The following MYLK3 variants were observed in gnomAD, a reference collection of about 807,000 sequenced individuals.
The protein encoded by MYLK3 is myosin light chain kinase 3.
A neutral mutation model predicts 76.3 loss-of-function variants in MYLK3; 55 were observed. The observed-to-expected ratio is 0.72, with a 90% confidence interval of 0.58 to 0.90. The LOEUF (loss-of-function observed/expected upper bound fraction) is 0.90, where lower values mean the gene tolerates loss of function less well. Among genes scored for constraint, MYLK3 ranks in the 40% least tolerant of loss-of-function variants. MYLK3 has a pLI of 0.00. For synonymous variants in MYLK3, 416 were observed against 425.4 expected, an observed-to-expected ratio of 0.98 and a Z score of 0.27; for missense variants, 973 against 1,053.6, an observed-to-expected ratio of 0.92 and a Z score of 1.06.
chr16:46,724,867 T>C (rs1316213992), intron 8 of MYLK3, among the ~76,000 whole-genome samples: 3 of 152,216 alleles, frequency 2.0e-5, no homozygotes, highest in Non-Finnish European at 4.4e-5. Flanking sequence ...GTTGAATCTA[T>C]AGATCAATGG....
chr16:46,748,140 G>A lies in MYLK3; in HGVS notation c.54C>T (p.Gly18=), dbSNP rs763892462. ...TGTCCATGGTTGTTAAGCAGGTCTTGCCCAACCCTGGCAGCCCCCCATGCC... is the reference window on the plus strand; with the variant it reads ...TGTCCATGGTTGTTAAGCAGGTCTTACCCAACCCTGGCAGCCCCCCATGCC... ...SLGHGGLPGL[G]KTCLTTMDTK... The change falls in exon 1 of 13, where the codon GGC becomes GGT. Residue 18 remains glycine, a synonymous_variant. Coordinates refer to ENST00000394809, the MANE Select transcript of MYLK3 (RefSeq NM_182493.3). This position sits in a 1 kb window ranked among gnomAD's most constrained non-coding sequence, Gnocchi z 4.3. 1.2e-6 allele frequency: 2 copies of A among 1,614,220 alleles called. No individual in the cohort carries two copies. Among genetic ancestry groups the A allele is most frequent in the East Asian group, 4.5e-5 (2 of 44,892 alleles).
At chr16:46,719,527 T>C (rs917395843) in intron 9 of MYLK3, among the ~76,000 whole-genome samples, 1 of 152,098 alleles carries the variant, frequency 6.6e-6, no homozygotes, top group African/African-American at 2.4e-5. Context: ...CCACTGGGCA[T>C]GCATGCCGTG....
At chr16:46,731,955 A>G (rs1369927391) in intron 4 of MYLK3, among the ~76,000 whole-genome samples, 1 of 152,034 alleles carries the variant, frequency 6.6e-6, no homozygotes, top group African/African-American at 2.4e-5. Flanking sequence ...CCTGTCTCCA[A>G]AAAAGGAAAT....
At chr16:46,717,676 T>G (rs1966758258) in intron 9 of MYLK3, among the ~76,000 whole-genome samples, 1 of 151,818 alleles carries the variant, frequency 6.6e-6, no homozygotes, top group Admixed American at 6.6e-5. Flanking sequence ...TCCTTCCAAC[T>G]CCACCTTCAG....
At chr16:46,762,182 C>T (rs2143019040) in intron 1 of MYLK3, among the ~76,000 whole-genome samples, 1 of 152,312 alleles carries the variant, frequency 6.6e-6, no homozygotes, top group South Asian at 2.1e-4. Flanking sequence ...AATGCTCTTC[C>T]AGGTTTACTA....
In MYLK3 at chr16:46,738,098, G is replaced by A. The variant is rs751747008; in HGVS notation, c.614C>T (p.Pro205Leu). Residue 205 changes from proline (P) to leucine (L), a missense_variant, in exon 3 of 13, where the codon CCC (proline) becomes CTC (leucine). Coordinates refer to ENST00000394809, the MANE Select transcript of MYLK3 (RefSeq NM_182493.3). ...DVLEGTAERLPPIRASGLGAD... is the reference protein window; with the variant it reads ...DVLEGTAERLLPIRASGLGAD... ...TCCCAGCCCTGACGCTCTGATGGGG[G>A]GCAGCCTCTCCGCTGTCCCCTCCAG... 4 of 1,589,066 alleles carry A rather than the reference G, an allele frequency of 2.5e-6. No individual in the cohort carries two copies. In the South Asian group the frequency reaches 3.4e-5, roughly 13 times the overall value.
intron 1 of MYLK3, among the ~76,000 whole-genome samples, chr16:46,742,277 C>T (rs947653189): frequency 6.6e-6 from 1 of 151,748 alleles, no homozygotes; most frequent in South Asian, 2.1e-4. Flanking sequence ...CTGAGGATGG[C>T]GGGGCGTGGT....
At chr16:46,760,107 G>T (rs945609121) in intron 1 of MYLK3, among the ~76,000 whole-genome samples, 1 of 152,208 alleles carries the variant, frequency 6.6e-6, no homozygotes, top group Non-Finnish European at 1.5e-5. Context: ...TTGAGCACCA[G>T]TGCTCGTGAT....
At chr16:46,733,952 G>A (rs1190516947) in intron 3 of MYLK3, among the ~76,000 whole-genome samples, 1 of 152,172 alleles carries the variant, frequency 6.6e-6, no homozygotes, top group Non-Finnish European at 1.5e-5. Flanking sequence ...AGGCACAAAT[G>A]CAGGGGTTCA....
intron 4 of MYLK3, among the ~76,000 whole-genome samples, chr16:46,731,777 G>A (rs373921023): frequency 1.3e-5 from 2 of 152,132 alleles, no homozygotes. Context: ...GCAAGCTCAG[G>A]TGGGCAGGTG....
At chr16:46,730,563 GC>G in intron 5 of MYLK3, 29 bp downstream of exon 5, 1 of 1,584,306 alleles carries the variant, frequency 6.3e-7, no homozygotes, top group South Asian at 1.1e-5. Context: ...CCTGCTCTAA[GC>G]CCCCCAACCA....
chr16:46,747,745 C>T lies in MYLK3; in HGVS notation c.449G>A (p.Arg150Lys). Reference sequence around the variant, plus strand: ...CTCAGGGCTGTCACCTGGGCTGCCTCTCCTCCAGGGCACACGCCCCTGCAT... The same window carrying T: ...CTCAGGGCTGTCACCTGGGCTGCCTTTCCTCCAGGGCACACGCCCCTGCAT... ...FLMQGRVPWRRGSPGDSPEEN... is the reference protein window; with the variant it reads ...FLMQGRVPWRKGSPGDSPEEN... The change falls in exon 1 of 13, where the codon AGA (arginine) becomes AAA (lysine). Residue 150 changes from arginine (R) to lysine (K), a missense_variant. By Grantham distance (26) the Arg-to-Lys change is conservative. Transcript: ENST00000394809. 14 of 1,614,062 alleles carry T rather than the reference C, an allele frequency of 8.7e-6. No homozygotes were observed. Among genetic ancestry groups the T allele is most frequent in the Non-Finnish European group, 1.1e-5 (13 of 1,180,004 alleles).
chr16:46,757,649 G>A, intron 1 of MYLK3: 1 of 970,214 alleles, frequency 1.0e-6, no homozygotes, highest in Non-Finnish European at 1.2e-6. Flanking sequence ...GGAGCGATAA[G>A]CCTGGCATTT....
At chr16:46,717,377 G>T (rs749113904) in intron 9 of MYLK3, among the ~76,000 whole-genome samples, 49 of 152,330 alleles carry the variant, frequency 3.2e-4, no homozygotes, top group Middle Eastern at 6.8e-3. Flanking sequence ...ACTCAGCATG[G>T]AGGCTTTTGG....
chr16:46,757,444 G>A (rs1332159597), intron 1 of MYLK3: 40 of 985,426 alleles, frequency 4.1e-5, no homozygotes, highest in South Asian at 9.4e-5. Flanking sequence ...GGTGTAACCC[G>A]ACGCCCGCTG....
intron 1 of MYLK3, chr16:46,757,336 G>C: frequency 1.0e-6 from 1 of 976,386 alleles, no homozygotes; most frequent in African/African-American, 1.8e-5. Flanking sequence ...GGGAACAACT[G>C]TCACCAGGTC....
chr16:46,712,791 AG>A lies in MYLK3; in HGVS notation c.1986-16del, dbSNP rs1567280884. On this transcript the variant is annotated splice_polypyrimidine_tract_variant and intron_variant, in intron 9 of 12. Coordinates refer to ENST00000394809, the MANE Select transcript of MYLK3 (RefSeq NM_182493.3). ...GAGGCTTGTACCTGGGGAGAAGGGG[AG>A]GGTACAAAGAAGCATGGGGTGAGGC... The A allele has an allele frequency of 1.5e-5, 23 of 1,575,946 alleles. No homozygotes were observed. Among genetic ancestry groups the A allele is most frequent in the Non-Finnish European group, 2.0e-5 (23 of 1,162,010 alleles).
In MYLK3 at chr16:46,721,185, G is replaced by A; in HGVS notation, c.1923C>T (p.Asn641=). ...GTCCTGTCTGATTGACGCACAATAT[G>A]TTCTCCGGCTGGGAAAGAAAGAAGT... is the stretch of plus-strand genomic sequence containing the variant. ...YILHLDLKPE[N]ILCVNQTGHQ... Residue 641 remains asparagine, a synonymous_variant, in exon 9 of 13, where the codon AAC becomes AAT. Transcript: ENST00000394809. 1 of 1,614,182 alleles carries A rather than the reference G, an allele frequency of 6.2e-7. No individual in the cohort carries two copies. Among genetic ancestry groups the A allele is most frequent in the Non-Finnish European group, 8.5e-7 (1 of 1,180,020 alleles).
intron 7 of MYLK3, among the ~76,000 whole-genome samples, chr16:46,727,746 C>T (rs1966845463): frequency 6.6e-6 from 1 of 152,174 alleles, no homozygotes; most frequent in Non-Finnish European, 1.5e-5. Context: ...AGCCTTGTCT[C>T]GAACTCCTGA....
Sources: gnomAD v4.1 joint callset for allele counts (sites outside exome capture counted in the v4.1 genomes callset) on GRCh38, gnomAD v4.1.1 for gene constraint, Gnocchi (gnomAD v3.1) non-coding constraint, MANE v1.5 for transcripts, NCBI Gene and HGNC (gene_info 2026-07-23, HGNC 2026-07-21) for gene names.